Variants in PWWP2A observed in about 807,000 individuals in gnomAD.
PWWP2A encodes the protein PWWP domain containing 2A, also known as PWWP domain-containing protein 2A.
A neutral mutation model predicts 48.5 loss-of-function variants in PWWP2A; 18 were observed. That is an observed-to-expected ratio of 0.37 (90% CI 0.26 to 0.55). PWWP2A has a LOEUF of 0.55. Ranked by LOEUF, PWWP2A falls within the 20% of genes least tolerant of loss-of-function variation. PWWP2A has a pLI of 0.81. For synonymous variants in PWWP2A, 396 were observed against 387.7 expected, an observed-to-expected ratio of 1.02 and a Z score of -0.25; for missense variants, 867 against 976.4, an observed-to-expected ratio of 0.89 and a Z score of 1.49.
At chr5:160,071,199 G>C (rs747945821), downstream of PWWP2A, among the ~76,000 whole-genome samples, 1 of 152,138 alleles carries the variant, frequency 6.6e-6, no homozygotes, top group Non-Finnish European at 1.5e-5. Context: ...AAAAAGAGAT[G>C]TTGCCGGGCT....
At chr5:160,090,495 A>G, downstream of PWWP2A, 1 of 983,354 alleles carries the variant, frequency 1.0e-6, no homozygotes, top group Non-Finnish European at 1.2e-6. Flanking sequence ...TTTTTTAAGT[A>G]TAGTTGTTTC....
intron 1 of PWWP2A, among the ~76,000 whole-genome samples, chr5:160,116,471 A>G (rs1313511770): frequency 6.6e-6 from 1 of 152,200 alleles, no homozygotes; most frequent in Non-Finnish European, 1.5e-5. Flanking sequence ...AAATAAATAA[A>G]TAAATAAATA....
intron 1 of PWWP2A, among the ~76,000 whole-genome samples, chr5:160,115,208 G>C (rs891832350): frequency 7.6e-5 from 11 of 144,528 alleles, no homozygotes; most frequent in African/African-American, 2.9e-4. Context: ...CCTAGTCTCT[G>C]AAACGGACTG....
At chr5:160,113,297 T>C in intron 1 of PWWP2A, 7 of 981,232 alleles carry the variant, frequency 7.1e-6, no homozygotes, top group Non-Finnish European at 8.5e-6. Flanking sequence ...TCCTCAAAAA[T>C]GTGTTCTCCA....
chr5:160,093,148 T>C lies in PWWP2A; in HGVS notation c.1502A>G (p.Lys501Arg), dbSNP rs1218691433. 1.2e-6 allele frequency: 2 copies of C among 1,613,958 alleles called. No individual in the cohort carries two copies. The highest frequency in any genetic ancestry group is 1.7e-6 in the Non-Finnish European group (2 of 1,179,884). ...KTGLEKMRSG[K>R]MAPKPQSRCT... ...GCGAGACTGGGGCTTGGGTGCCATCTTGCCACTCCGCATTTTCTCAAGTCC... is the reference window on the plus strand; with the variant it reads ...GCGAGACTGGGGCTTGGGTGCCATCCTGCCACTCCGCATTTTCTCAAGTCC... The change falls in exon 2 of 2, where the codon AAG (lysine) becomes AGG (arginine). Residue 501 changes from lysine to arginine, a missense_variant. Around this residue, in one of 4 missense-constraint regions of PWWP2A, gnomAD observed 382 missense variants for 407.2 expected, o/e 0.94. Coordinates refer to ENST00000307063, the MANE Select transcript of PWWP2A (RefSeq NM_001130864.2). The surrounding 1 kb of genome is among the most constrained non-coding windows in gnomAD (Gnocchi z 5.8).
intron 1 of PWWP2A, among the ~76,000 whole-genome samples, chr5:160,113,747 A>G (rs1757825506): frequency 6.6e-6 from 1 of 152,334 alleles, no homozygotes; most frequent in East Asian, 1.9e-4. Context: ...TATATCCTTT[A>G]TATTATCTCC....
the PWWP2A span, among the ~76,000 whole-genome samples, chr5:160,044,894 G>C: frequency 6.6e-6 from 1 of 152,072 alleles, no homozygotes; most frequent in Non-Finnish European, 1.5e-5. Context: ...AATTAATTTG[G>C]TGCCCTCTCT....
At chr5:160,044,807 A>C in the PWWP2A span, among the ~76,000 whole-genome samples, 8 of 152,160 alleles carry the variant, frequency 5.3e-5, no homozygotes, top group Admixed American at 3.9e-4. Context: ...AGTAGGTCTC[A>C]GCCTTATTTT....
chr5:160,117,408 C>T (rs1217782292), intron 1 of PWWP2A, among the ~76,000 whole-genome samples: 1 of 152,056 alleles, frequency 6.6e-6, no homozygotes, highest in South Asian at 2.1e-4. Flanking sequence ...TAATCCCAGC[C>T]CTTTGGGAGG....
At chr5:160,058,238 C>T (rs555409073), downstream of PWWP2A, among the ~76,000 whole-genome samples, 56 of 152,244 alleles carry the variant, frequency 3.7e-4, no homozygotes, top group African/African-American at 1.2e-3. Context: ...CTTCAAGCGC[C>T]ACTCGAATTC....
In PWWP2A at chr5:160,119,149, G is replaced by A; in HGVS notation, c.240C>T (p.Arg80=). 6.4e-7 allele frequency: 1 copy of A among 1,554,846 alleles called. No individual in the cohort carries two copies. Among genetic ancestry groups the A allele is most frequent in the South Asian group, 1.2e-5 (1 of 86,258 alleles). The change falls in exon 1 of 2, where the codon CGC becomes CGT. Residue 80 remains arginine (R), a synonymous_variant. Transcript: ENST00000307063. ...PPPPPPGELA[R]SPEAVGPELE... ...GCTCCGGCCCCACCGCCTCTGGGCTGCGGGCGAGCTCCCCCGGCGGCGGCG... is the reference window on the plus strand; with the variant it reads ...GCTCCGGCCCCACCGCCTCTGGGCTACGGGCGAGCTCCCCCGGCGGCGGCG...
chr5:160,108,379 G>C (rs191566393), intron 1 of PWWP2A, among the ~76,000 whole-genome samples: 203 of 152,304 alleles, frequency 1.3e-3, no homozygotes, highest in Non-Finnish European at 9.0e-4. Context: ...CCTCTTCTCT[G>C]TTTCACTGTG....
intron 1 of PWWP2A, among the ~76,000 whole-genome samples, chr5:160,115,907 A>G (rs1043059854): frequency 2.0e-5 from 3 of 152,096 alleles, no homozygotes; most frequent in African/African-American, 7.2e-5. Flanking sequence ...TGCACAGGAA[A>G]GTGTGCAATC....
intron 1 of PWWP2A, among the ~76,000 whole-genome samples, chr5:160,094,294 G>A (rs1162073121): frequency 6.6e-6 from 1 of 152,164 alleles, no homozygotes; most frequent in African/African-American, 2.4e-5. Context: ...CCTAAGCAAT[G>A]ACAGAATAGT....
intron 1 of PWWP2A, among the ~76,000 whole-genome samples, chr5:160,103,973 A>C (rs967604639): frequency 6.6e-6 from 1 of 151,812 alleles, no homozygotes; most frequent in Non-Finnish European, 1.5e-5. Context: ...AATACAAAAA[A>C]ATTAGAAGGG....
chr5:160,109,770 AAAAAATATATATATAT>A (rs1434825572), intron 1 of PWWP2A, among the ~76,000 whole-genome samples: 4 of 38,172 alleles, frequency 1.0e-4, no homozygotes, highest in African/African-American at 2.6e-4. Context: ...AAAAAAAAAA[AAAAAATATATATATAT>A]ATATATATAT....
the PWWP2A span, among the ~76,000 whole-genome samples, chr5:160,055,371 A>G: frequency 6.6e-6 from 1 of 152,234 alleles, no homozygotes; most frequent in African/African-American, 2.4e-5. Flanking sequence ...TACTTTTCAC[A>G]TTGTCTAACG....
Position 160,093,073 on chromosome 5 carries a change from G to A in PWWP2A, c.1577C>T (p.Pro526Leu), listed in dbSNP as rs1489158615. Residue 526 changes from proline to leucine, a missense_variant, in exon 2 of 2, where the codon CCC becomes CTC. This residue lies in a region of PWWP2A where 382 missense variants were observed against 407.2 expected (regional missense o/e 0.94). Transcript: ENST00000307063. The surrounding 1 kb of genome is among the most constrained non-coding windows in gnomAD (Gnocchi z 5.8). ...AGEAPSENQS[P>L]SKGPEEASSE... The stretch of plus-strand genomic sequence containing the variant: ...GCTGGCCTCTTCAGGGCCTTTTGAG[G>A]GACTCTGATTTTCTGAAGGGGCCTC... The A allele has an allele frequency of 1.5e-5, 24 of 1,613,256 alleles. No individual in the cohort carries two copies. The highest frequency in any genetic ancestry group is 1.9e-5 in the Non-Finnish European group (23 of 1,179,688).
At chr5:160,049,277 C>T in the PWWP2A span, among the ~76,000 whole-genome samples, 1 of 152,310 alleles carries the variant, frequency 6.6e-6, no homozygotes, top group Middle Eastern at 3.4e-3. Context: ...TGCCTGCTCT[C>T]GTGCTACAAT....
Sources: allele counts gnomAD v4.1 joint callset (sites outside exome capture counted in the v4.1 genomes callset), GRCh38; gene constraint gnomAD v4.1.1; regional missense constraint gnomAD v4.1.1; non-coding constraint Gnocchi (gnomAD v3.1); transcripts MANE v1.5; gene names NCBI Gene and HGNC (gene_info 2026-07-23, HGNC 2026-07-21).